The following TENT2 variants were observed in gnomAD, a reference collection of about 807,000 sequenced individuals.
TENT2 encodes the protein poly(A) RNA polymerase GLD2.
Under a neutral mutation model 72.2 loss-of-function variants are expected in TENT2, and 44 were observed. That is an observed-to-expected ratio of 0.61 (90% confidence interval 0.48 to 0.78). TENT2 has a LOEUF of 0.78. TENT2 is among the 30% of genes least tolerant of loss of function. The pLI, the probability that TENT2 is intolerant of heterozygous loss-of-function variation, is 0.00. For missense variants in TENT2, 541 were observed against 569.6 expected, an observed-to-expected ratio of 0.95 and a Z score of 0.51; for synonymous variants, 212 against 192.5, an observed-to-expected ratio of 1.10 and a Z score of -0.84.
At chr5:79,645,555 A>G (rs1788161404) in intron 8 of TENT2, among the ~76,000 whole-genome samples, 1 of 152,184 alleles carries the variant, frequency 6.6e-6, no homozygotes, top group Non-Finnish European at 1.5e-5. Flanking sequence ...AAATACAGTT[A>G]TGATTAAACA....
chr5:79,660,817 T>C (rs982732436), intron 11 of TENT2, among the ~76,000 whole-genome samples: 2 of 152,116 alleles, frequency 1.3e-5, no homozygotes, highest in African/African-American at 4.8e-5. Context: ...CAAGAGGTAT[T>C]CCAGAAGAAG....
chr5:79,638,376 C>A (rs1277264921), intron 4 of TENT2, among the ~76,000 whole-genome samples: 2 of 152,108 alleles, frequency 1.3e-5, no homozygotes, highest in Non-Finnish European at 2.9e-5. Flanking sequence ...GAGTCAGAAT[C>A]ATTTTACACC....
intron 11 of TENT2, among the ~76,000 whole-genome samples, chr5:79,659,125 T>TA (rs928978914): frequency 1.1e-4 from 17 of 152,112 alleles, no homozygotes; most frequent in Non-Finnish European, 2.5e-4. Flanking sequence ...GATAGGGACT[T>TA]ACTACCTGTT....
At chr5:79,629,533 A>T (rs547515800) in intron 4 of TENT2, among the ~76,000 whole-genome samples, 2 of 152,376 alleles carry the variant, frequency 1.3e-5, no homozygotes, top group African/African-American at 2.4e-5. Flanking sequence ...CCATTAAAAA[A>T]TAACCATACA....
intron 1 of TENT2, among the ~76,000 whole-genome samples, 163 bp downstream of exon 1, chr5:79,613,238 GT>G (rs912043327): frequency 2.6e-5 from 4 of 152,156 alleles, no homozygotes; most frequent in African/African-American, 9.7e-5. Context: ...AAAGCTCTTC[GT>G]CTCTCAAGGT....
In TENT2 at chr5:79,679,578, G is replaced by C. The variant is rs1326139520; in HGVS notation, c.1209-1G>C. On this transcript the variant is annotated splice_acceptor_variant, in intron 12 of 14. Coordinates refer to ENST00000453514, the MANE Select transcript of TENT2 (RefSeq NM_001114394.3). LOFTEE classifies it high-confidence loss of function. ...CATGGTTACTGTTTTTCTTCTTATA[G>C]CTGGAATAGTCAAATGATTTCAGTT... 6.3e-7 allele frequency: 1 copy of C among 1,583,360 alleles called. No homozygotes were observed. The highest frequency in any genetic ancestry group is 8.6e-7 in the Non-Finnish European group (1 of 1,163,088).
intron 4 of TENT2, among the ~76,000 whole-genome samples, chr5:79,639,163 T>C (rs1010907137): frequency 6.6e-6 from 1 of 152,000 alleles, no homozygotes; most frequent in Admixed American, 6.6e-5. Context: ...TCCCCAGATA[T>C]GTTCATTTTT....
At chr5:79,618,436 G>C (rs1222220170) in intron 1 of TENT2, among the ~76,000 whole-genome samples, 1 of 151,190 alleles carries the variant, frequency 6.6e-6, no homozygotes, top group Non-Finnish European at 1.5e-5. Context: ...GTCTCACTTT[G>C]TTGTCCAGGC....
chr5:79,661,719 C>T (rs553110616), intron 11 of TENT2, among the ~76,000 whole-genome samples: 4 of 152,284 alleles, frequency 2.6e-5, no homozygotes, highest in East Asian at 1.9e-4. Context: ...TTGATACTGA[C>T]GGCTCCTGAC....
chr5:79,666,565 T>G (rs1808227401), intron 11 of TENT2, among the ~76,000 whole-genome samples: 1 of 152,046 alleles, frequency 6.6e-6, no homozygotes, highest in South Asian at 2.1e-4. Flanking sequence ...CTAATCTTTC[T>G]ATTTTTTTTA....
chr5:79,615,549 C>G (rs568776914), intron 1 of TENT2, among the ~76,000 whole-genome samples: 2 of 152,198 alleles, frequency 1.3e-5, no homozygotes, highest in East Asian at 3.9e-4. Flanking sequence ...TATTTAATAT[C>G]ATTTTCTCAT....
At chr5:79,634,259 A>T (rs571000374) in intron 4 of TENT2, among the ~76,000 whole-genome samples, 86 of 152,124 alleles carry the variant, frequency 5.7e-4, no homozygotes, top group South Asian at 1.0e-3. Flanking sequence ...ATTTAATTTG[A>T]CCTTGACTTT....
At chr5:79,649,451 T>C (rs1791913768) in intron 10 of TENT2, among the ~76,000 whole-genome samples, 1 of 150,402 alleles carries the variant, frequency 6.6e-6, no homozygotes, top group African/African-American at 2.5e-5. Context: ...CTTTCACCAC[T>C]GTATTGTGGA....
Position 79,640,947 on chromosome 5 carries a change from A to G in TENT2, c.562A>G (p.Ile188Val), listed in dbSNP as rs1404436723. Residue 188 changes from isoleucine to valine, a missense_variant, in exon 5 of 15, where the codon ATT becomes GTT. Coordinates refer to ENST00000453514, the MANE Select transcript of TENT2 (RefSeq NM_001114394.3). Reference sequence around the variant, plus strand: ...CTGTCGAACACAGCTGCAGAGAGAAATTCAGCTGTTATTTCCACGTATGTT... The same window carrying G: ...CTGTCGAACACAGCTGCAGAGAGAAGTTCAGCTGTTATTTCCACGTATGTT... Reference protein sequence around the residue: ...ELCRTQLQREIQLLFPQSRLF... With the variant: ...ELCRTQLQREVQLLFPQSRLF... The G allele has an allele frequency of 1.9e-6, 3 of 1,607,504 alleles. No homozygotes were observed. The highest frequency in any genetic ancestry group is 2.5e-6 in the Non-Finnish European group (3 of 1,177,254).
chr5:79,674,497 G>T (rs900832471), intron 12 of TENT2, among the ~76,000 whole-genome samples: 1 of 152,176 alleles, frequency 6.6e-6, no homozygotes, highest in African/African-American at 2.4e-5. Context: ...TAATCCAGTT[G>T]GGGTGGGGGA....
chr5:79,659,594 A>ATATATATG (rs70975771), intron 11 of TENT2, among the ~76,000 whole-genome samples: 2 of 127,596 alleles, frequency 1.6e-5, no homozygotes, highest in African/African-American at 2.9e-5. Flanking sequence ...ATATATATAT[A>ATATATATG]ATAGCCATCG....
Position 79,687,159 on chromosome 5 carries a change from C to T in TENT2, c.*1886C>T, listed in dbSNP as rs897944208. Among the ~76,000 whole-genome samples, 2 of 152,096 alleles carry T rather than the reference C, an allele frequency of 1.3e-5. No individual in the cohort carries two copies. The highest frequency in any genetic ancestry group is 4.8e-5 in the African/African-American group (2 of 41,416). On this transcript the variant is annotated 3_prime_UTR_variant, in exon 15 of 15. Transcript: ENST00000453514. ...CTTTTCTTTGTTTTACCACGAAAAA[C>T]AGATCAAGAAGTCACTAAACTTAGA...
chr5:79,674,806 A>G lies in TENT2; in HGVS notation c.1209-4773A>G, dbSNP rs760361404. ...TGAGAAGGAACTAATATATGAGTCT[A>G]TCTAGGAAGAAAGAATCATTGAGAT... On this transcript the variant is annotated intron_variant, in intron 12 of 14. Transcript: ENST00000453514. Among the ~76,000 whole-genome samples, 42 of 152,332 alleles carry G rather than the reference A, an allele frequency of 2.8e-4. 1 individual carries two copies. The South Asian group carries it at 3.3e-3, about 12-fold the overall frequency.
intron 10 of TENT2, among the ~76,000 whole-genome samples, chr5:79,650,581 A>G (rs1214171120): frequency 2.0e-5 from 3 of 152,102 alleles, no homozygotes; most frequent in Non-Finnish European, 4.4e-5. Flanking sequence ...GAGAGGGATA[A>G]CAGATAATAT....
Sources: allele counts gnomAD v4.1 joint callset (sites outside exome capture counted in the v4.1 genomes callset), GRCh38; gene constraint gnomAD v4.1.1; transcripts MANE v1.5; gene names NCBI Gene and HGNC (gene_info 2026-07-23, HGNC 2026-07-21).